P3H2: variants seen among roughly 807,000 people sequenced by gnomAD.
P3H2 encodes the protein prolyl 3-hydroxylase 2.
A neutral mutation model predicts 87.0 loss-of-function variants in P3H2; 80 were observed. The ratio of observed to expected loss-of-function variants is 0.92; its 90% CI spans 0.77 to 1.11. The LOEUF (loss-of-function observed/expected upper bound fraction) is 1.11. Ranked by LOEUF, P3H2 falls within the 50% of genes least tolerant of loss-of-function variation. The pLI is 0.00. For missense variants in P3H2, 1,001 were observed against 923.9 expected, an observed-to-expected ratio of 1.08 and a Z score of -1.08; for synonymous variants, 367 against 359.3, an observed-to-expected ratio of 1.02 and a Z score of -0.24.
chr3:190,086,526 C>T (rs1467751886), intron 1 of P3H2, among the ~76,000 whole-genome samples: 2 of 152,144 alleles, frequency 1.3e-5, no homozygotes, highest in African/African-American at 2.4e-5. Flanking sequence ...GCAGAAGAAG[C>T]CTCAGAATTG....
At chr3:190,036,120 C>T (rs955965748) in intron 1 of P3H2, among the ~76,000 whole-genome samples, 8 of 152,132 alleles carry the variant, frequency 5.3e-5, no homozygotes, top group Admixed American at 1.3e-4. Context: ...CAGTTGCCAC[C>T]ACCATCTCCT....
chr3:190,022,977 C>T (rs1266491334), intron 1 of P3H2, among the ~76,000 whole-genome samples: 1 of 152,098 alleles, frequency 6.6e-6, no homozygotes, highest in Non-Finnish European at 1.5e-5. Flanking sequence ...CAGGCACCCA[C>T]CACCACGCCT....
chr3:190,079,639 C>A (rs1223518011), intron 1 of P3H2, among the ~76,000 whole-genome samples: 1 of 152,142 alleles, frequency 6.6e-6, no homozygotes, highest in Admixed American at 6.5e-5. Context: ...GTGTGCATCA[C>A]CCTTTCCACC....
At chr3:190,007,191 G>A (rs1341415516) in intron 1 of P3H2, among the ~76,000 whole-genome samples, 1 of 152,126 alleles carries the variant, frequency 6.6e-6, no homozygotes, top group Non-Finnish European at 1.5e-5. Flanking sequence ...GTTGTTGTAG[G>A]ACTAAGTGGG....
chr3:190,060,157 T>G (rs141687579), intron 1 of P3H2, among the ~76,000 whole-genome samples: 216 of 152,294 alleles, frequency 1.4e-3, no homozygotes, highest in African/African-American at 5.0e-3. Flanking sequence ...CTGAAGCAGA[T>G]GAAGCACCCA....
At position 189,973,507 on chromosome 3, in the gene P3H2, C is replaced by CTTTTTTTTTTT. The variant is rs879286759; in HGVS notation, c.1548+401_1548+402insAAAAAAAAAAA. Among the ~76,000 whole-genome samples, 263 of 78,934 alleles carry CTTTTTTTTTTT rather than the reference C, an allele frequency of 3.3e-3. 16 individuals are homozygous for CTTTTTTTTTTT. The highest frequency in any genetic ancestry group is 4.9e-3 in the Non-Finnish European group (202 of 41,482). 51.8% of individuals were successfully genotyped at this position (78,934 alleles called of 152,430 possible). On this transcript the variant is annotated intron_variant, in intron 10 of 14. Transcript: ENST00000319332. ...TCAAAACTTTTTTCTTTCTTTCTTT[C>CTTTTTTTTTTT]TTTCTTTTTTTTTTTTTTTTTTTTT...
At chr3:190,059,851 A>T (rs1404087536) in intron 1 of P3H2, among the ~76,000 whole-genome samples, 2 of 152,172 alleles carry the variant, frequency 1.3e-5, no homozygotes, top group African/African-American at 4.8e-5. Context: ...CAAGCTTGGA[A>T]AATGAAGATT....
At chr3:189,990,697 A>T (rs1880706) in intron 3 of P3H2, among the ~76,000 whole-genome samples, 114,894 of 152,194 alleles carry the variant, frequency 0.75, 44,004 homozygotes, top group East Asian at 0.91. Context: ...CCAGTTTTAT[A>T]CCTAATTTAG....
chr3:190,074,775 C>T (rs1233001328), intron 1 of P3H2, among the ~76,000 whole-genome samples: 1 of 152,176 alleles, frequency 6.6e-6, no homozygotes, highest in East Asian at 1.9e-4. Context: ...TGTCTTTTCT[C>T]TCACTTCCTT....
chr3:189,971,514 T>A (rs1723177694), intron 12 of P3H2: 2 of 288,854 alleles, frequency 6.9e-6, no homozygotes, highest in South Asian at 3.4e-5. Context: ...TGGGTATGAA[T>A]AAAGATAATT....
In P3H2 at chr3:189,963,625, G is replaced by T. The variant is rs143807724; in HGVS notation, c.2034+333C>A. 129 of 274,580 alleles carry T rather than the reference G, an allele frequency of 4.7e-4. No homozygotes were observed. In the East Asian group the frequency reaches 0.01, roughly 21 times the overall value. The allele number at this position is 274,580 out of a possible 1,614,324, so 17.0% of individuals were successfully genotyped here. ...ACATCCAGCTAATTTTGTATTTTTA[G>T]TAGAGATGGGGTTTCAGCATGTTGA... On this transcript the variant is annotated intron_variant, in intron 14 of 14. Coordinates refer to ENST00000319332, the MANE Select transcript of P3H2 (RefSeq NM_018192.4).
rs945437240 is a variant in P3H2, at chr3:189,956,806, C to T, written c.*1106G>A. ...GCTGGATAGCAGCAATGAGGAGGGGCCCCCAAAATATAAGCAGATGACGGT... is the reference window on the plus strand; with the variant it reads ...GCTGGATAGCAGCAATGAGGAGGGGTCCCCAAAATATAAGCAGATGACGGT... On this transcript the variant is annotated 3_prime_UTR_variant, in exon 15 of 15. Coordinates refer to ENST00000319332, the MANE Select transcript of P3H2 (RefSeq NM_018192.4). The T allele has an allele frequency of 7.7e-6, 2 of 259,084 alleles. No homozygotes were observed. Among genetic ancestry groups the T allele is most frequent in the Non-Finnish European group, 1.4e-5 (2 of 138,346 alleles). 16.0% of individuals were successfully genotyped at this position (259,084 alleles called of 1,614,324 possible).
intron 14 of P3H2, among the ~76,000 whole-genome samples, chr3:189,962,137 CCTTT>C (rs1398294184): frequency 7.8e-5 from 11 of 141,806 alleles, no homozygotes; most frequent in East Asian, 6.2e-4. Context: ...TTTGTCAGGG[CCTTT>C]CTTTCTTTTT....
At position 189,994,302 on chromosome 3, in the gene P3H2, G is replaced by A. The variant is rs773171967; in HGVS notation, c.634-19C>T. 1.0e-4 allele frequency: 150 copies of A among 1,480,620 alleles called. 2 individuals carry two copies. Among genetic ancestry groups the A allele is most frequent in the South Asian group, 3.3e-4 (28 of 85,698 alleles). The allele number at this position is 1,480,620 out of a possible 1,614,324, so 91.7% of individuals were successfully genotyped here. A position where few individuals can be genotyped will look rare whatever the true frequency, so the allele number is the denominator to read the frequency against. The stretch of plus-strand genomic sequence containing the variant: ...AACTCTCCTGTAATGAAACAGACGG[G>A]AAAAAACAAACAAACAAACAAACAA... On this transcript the variant is annotated intron_variant, in intron 2 of 14. Coordinates refer to ENST00000319332, the MANE Select transcript of P3H2 (RefSeq NM_018192.4).
In P3H2 at chr3:189,972,025, A is replaced by G; in HGVS notation, c.1700-18T>C. 6.8e-7 allele frequency: 1 copy of G among 1,469,602 alleles called. No homozygotes were observed. Among genetic ancestry groups the G allele is most frequent in the Non-Finnish European group, 9.5e-7 (1 of 1,048,388 alleles). 91.0% of individuals were successfully genotyped at this position (1,469,602 alleles called of 1,614,324 possible). On this transcript the variant is annotated intron_variant, in intron 11 of 14. Transcript: ENST00000319332. ...CTGCTGACCTGCCAGAAAAGGGAAT[A>G]GGGAAGAACGAGAAATGAAGTGCAG...
Position 189,971,986 on chromosome 3 carries a change from T to TA in P3H2, c.1720_1721insT (p.Asp574ValfsTer9). On this transcript the variant is annotated frameshift_variant, in exon 12 of 15. Transcript: ENST00000319332. LOFTEE classifies it high-confidence loss of function. ...GTCAGCATGGATGGGATGACTGAGGTCATTTCTTCTATCCTGCTGACCTGC... is the reference window on the plus strand; with the variant it reads ...GTCAGCATGGATGGGATGACTGAGGTACATTTCTTCTATCCTGCTGACCTGC... The TA allele has an allele frequency of 6.2e-7, 1 of 1,612,174 alleles. No homozygotes were observed. The highest frequency in any genetic ancestry group is 8.5e-7 in the Non-Finnish European group (1 of 1,178,256).
intron 1 of P3H2, among the ~76,000 whole-genome samples, chr3:190,073,431 T>A (rs1405878305): frequency 6.6e-6 from 1 of 152,108 alleles, no homozygotes; most frequent in Non-Finnish European, 1.5e-5. Context: ...CCATAAACAA[T>A]CTGCTTGTTT....
chr3:189,994,300 G>A lies in P3H2; in HGVS notation c.634-17C>T, dbSNP rs1719599. ...GTAACTCTCCTGTAATGAAACAGAC[G>A]GGAAAAAACAAACAAACAAACAAAC... On this transcript the variant is annotated splice_polypyrimidine_tract_variant and intron_variant, in intron 2 of 14. Coordinates refer to ENST00000319332, the MANE Select transcript of P3H2 (RefSeq NM_018192.4). The A allele has an allele frequency of 0.78, 1,228,247 of 1,564,824 alleles. 484,030 individuals are homozygous for A. The highest frequency in any genetic ancestry group is 0.93 in the East Asian group (41,358 of 44,588).
At chr3:190,007,889 G>A (rs1724436625) in intron 1 of P3H2, among the ~76,000 whole-genome samples, 1 of 142,842 alleles carries the variant, frequency 7.0e-6, no homozygotes, top group South Asian at 2.2e-4. Context: ...AAACTCTTTC[G>A]GCCAAAAACC....
Sources: allele counts gnomAD v4.1 joint callset (sites outside exome capture counted in the v4.1 genomes callset), GRCh38; gene constraint gnomAD v4.1.1; transcripts MANE v1.5; gene names NCBI Gene and HGNC (gene_info 2026-07-23, HGNC 2026-07-21).